The following ANK2 variants were observed in gnomAD, a reference collection of about 807,000 sequenced individuals.
The protein encoded by ANK2 is ankyrin 2, also known as ankyrin-2.
A neutral mutation model predicts 360.5 loss-of-function variants in ANK2; 83 were observed. The observed-to-expected ratio is 0.23, with a 90% CI of 0.19 to 0.28. ANK2 has a LOEUF of 0.28. ANK2 is among the 10% of genes least tolerant of loss of function. ANK2 has a pLI of 1.00. For missense variants in ANK2, 4,201 were observed against 4,795.7 expected, an observed-to-expected ratio of 0.88 and a Z score of 3.66; for synonymous variants, 1,740 against 1,759.5, an observed-to-expected ratio of 0.99 and a Z score of 0.28.
At chr4:112,922,479 A>G (rs764328757) in intron 2 of ANK2, among the ~76,000 whole-genome samples, 86 of 152,244 alleles carry the variant, frequency 5.6e-4, no homozygotes, top group African/African-American at 2.0e-3. Flanking sequence ...TTTTACCTTC[A>G]GCAATGTTCT....
chr4:113,312,130 C>T (rs999512963), intron 24 of ANK2, among the ~76,000 whole-genome samples: 7 of 151,088 alleles, frequency 4.6e-5, no homozygotes, highest in Non-Finnish European at 7.4e-5. Context: ...ATAAGTTGGG[C>T]CATGAATATG....
rs2153704061 is a variant in ANK2 at position 113,279,444 on chromosome 4, T to A, written c.1881+886T>A. ...AGAAGGTGAGATTTAAGTAGGTTAATTTTCCAAAGTCATATGAATAATAAG... is the reference window on the plus strand; with the variant it reads ...AGAAGGTGAGATTTAAGTAGGTTAAATTTCCAAAGTCATATGAATAATAAG... On this transcript the variant is annotated intron_variant, in intron 17 of 45. Coordinates refer to ENST00000357077, the MANE Select transcript of ANK2 (RefSeq NM_001148.6). Among the ~76,000 whole-genome samples the A allele has an allele frequency of 2.0e-5, 3 of 152,108 alleles. 1 individual carries two copies. Among genetic ancestry groups the A allele is most frequent in the Middle Eastern group, 3.4e-3 (1 of 294 alleles).
chr4:112,858,008 T>A (rs2066878365), intron 1 of ANK2, among the ~76,000 whole-genome samples: 1 of 152,184 alleles, frequency 6.6e-6, no homozygotes, highest in South Asian at 2.1e-4. Flanking sequence ...TTTTCTCCAC[T>A]AAAAGTAAGA....
chr4:113,285,432 G>A (rs571372197), intron 18 of ANK2, among the ~76,000 whole-genome samples: 2 of 152,286 alleles, frequency 1.3e-5, no homozygotes, highest in South Asian at 2.1e-4. Context: ...TTCAAGTTGG[G>A]GTTCCCAGGA....
At chr4:113,145,769 C>T (rs2096805081) in intron 1 of ANK2, 13 of 1,221,310 alleles carry the variant, frequency 1.1e-5, no homozygotes, top group East Asian at 5.7e-5. Context: ...AGCCAAGGAT[C>T]ATCTTGATGA....
chr4:113,370,397 G>C (rs945356208), intron 43 of ANK2, among the ~76,000 whole-genome samples: 2 of 152,062 alleles, frequency 1.3e-5, no homozygotes, highest in Non-Finnish European at 2.9e-5. Flanking sequence ...GCATAAGATT[G>C]CATCATAGCG....
intron 5 of ANK2, among the ~76,000 whole-genome samples, chr4:113,233,818 T>A (rs2099349655): frequency 6.6e-6 from 1 of 152,166 alleles, no homozygotes; most frequent in African/African-American, 2.4e-5. Context: ...GTTTTTGAGT[T>A]CTCTATTCAA....
intron 4 of ANK2, among the ~76,000 whole-genome samples, chr4:113,212,695 G>A (rs2099038183): frequency 1.3e-5 from 2 of 152,072 alleles, no homozygotes; most frequent in South Asian, 2.1e-4. Flanking sequence ...TGTGATAGGG[G>A]GATCATAATA....
intron 26 of ANK2, among the ~76,000 whole-genome samples, chr4:113,325,024 ATGGT>A (rs2088970084): frequency 6.6e-6 from 1 of 152,148 alleles, no homozygotes; most frequent in South Asian, 2.1e-4. Context: ...CTGCATAATA[ATGGT>A]TGCTTTTGCT....
chr4:113,082,379 T>C (rs1487178043), intron 1 of ANK2, among the ~76,000 whole-genome samples: 1 of 152,026 alleles, frequency 6.6e-6, no homozygotes, highest in African/African-American at 2.4e-5. Context: ...GCACAAGGTA[T>C]CTTCCTGCCT....
chr4:112,788,183 C>T, the ANK2 span: 1 of 1,587,448 alleles, frequency 6.3e-7, no homozygotes, highest in Non-Finnish European at 8.5e-7. Flanking sequence ...CCAGTGACGG[C>T]AGATCTCATC....
At position 113,278,399 on chromosome 4, in the gene ANK2, G is replaced by T. The variant is rs527939673; in HGVS notation, c.1783-61G>T. 184 of 1,400,942 alleles carry T rather than the reference G, an allele frequency of 1.3e-4. No homozygotes were observed. In the Admixed American group the frequency reaches 1.9e-3, roughly 14 times the overall value. The allele number at this position is 1,400,942 out of a possible 1,614,324, so 86.8% of individuals were successfully genotyped here. ...TCAATATCAGTTTCCAGGCATCCTG[G>T]TAGCTTCAGGGCAGCTAACCCTAAT... On this transcript the variant is annotated intron_variant, in intron 16 of 45. Transcript: ENST00000357077.
intron 23 of ANK2, among the ~76,000 whole-genome samples, chr4:113,308,094 TG>T (rs1387382392): frequency 6.6e-6 from 1 of 152,120 alleles, no homozygotes; most frequent in Non-Finnish European, 1.5e-5. Flanking sequence ...ATAAGTAAGT[TG>T]AAAAAAAGAA....
intron 1 of ANK2, among the ~76,000 whole-genome samples, chr4:113,159,191 CCACA>C (rs57967546): frequency 0.14 from 19,927 of 141,868 alleles, 1,678 homozygotes; most frequent in Middle Eastern, 0.21. Context: ...CTCTTTCCTT[CCACA>C]CACACACACA....
chr4:112,712,984 C>G, the ANK2 span, among the ~76,000 whole-genome samples: 6 of 152,110 alleles, frequency 3.9e-5, no homozygotes, highest in African/African-American at 1.4e-4. Context: ...GAAAATTTCC[C>G]TCATGCTAAT....
chr4:112,850,758 C>T (rs12513383), intron 1 of ANK2, among the ~76,000 whole-genome samples: 40,843 of 150,858 alleles, frequency 0.27, 5,926 homozygotes, highest in East Asian at 0.34. Flanking sequence ...CCTCGTGATC[C>T]GCCCGCCTCT....
intron 1 of ANK2, among the ~76,000 whole-genome samples, chr4:113,150,105 G>C (rs983030026): frequency 6.6e-6 from 1 of 151,930 alleles, no homozygotes; most frequent in African/African-American, 2.4e-5. Flanking sequence ...GGAACACCTC[G>C]TGGACAGAGC....
intron 13 of ANK2, among the ~76,000 whole-genome samples, chr4:113,263,300 C>G (rs1352513743): frequency 6.7e-6 from 1 of 149,614 alleles, no homozygotes; most frequent in African/African-American, 2.5e-5. Context: ...GAGGAAAAAT[C>G]TTGTGATACA....
chr4:112,718,145 C>G, the ANK2 span, among the ~76,000 whole-genome samples: 12 of 152,222 alleles, frequency 7.9e-5, no homozygotes, highest in African/African-American at 2.9e-4. Flanking sequence ...CTAGGACTTT[C>G]CTCTGTTTAG....
Sources: allele counts gnomAD v4.1 joint callset (sites outside exome capture counted in the v4.1 genomes callset), GRCh38; gene constraint gnomAD v4.1.1; transcripts MANE v1.5; gene names NCBI Gene and HGNC (gene_info 2026-07-23, HGNC 2026-07-21).